Variants in PDGFD observed in about 807,000 individuals in gnomAD.
PDGFD encodes platelet derived growth factor D.
In PDGFD, 30 loss-of-function variants were observed where a neutral mutation model predicts 44.7. The observed-to-expected ratio is 0.67, with a 90% CI of 0.50 to 0.91. The LOEUF is 0.91. Ranked by LOEUF, PDGFD falls within the 40% of genes least tolerant of loss-of-function variation. PDGFD has a pLI of 0.00. For missense variants in PDGFD, 445 were observed against 457.8 expected (o/e 0.97, Z 0.25); for synonymous variants, 173 against 168.4 (o/e 1.03, Z -0.21).
chr11:104,077,836 ATTCTC>A (rs1860986810), intron 1 of PDGFD, among the ~76,000 whole-genome samples: 2 of 152,154 alleles, frequency 1.3e-5, no homozygotes, highest in Non-Finnish European at 2.9e-5. Context: ...CAAACTTCAG[ATTCTC>A]CAACAATAGT....
At chr11:104,144,605 A>G (rs1453786868) in intron 1 of PDGFD, among the ~76,000 whole-genome samples, 1 of 151,912 alleles carries the variant, frequency 6.6e-6, no homozygotes, top group Non-Finnish European at 1.5e-5. Context: ...CAGATTTATG[A>G]TACAACCAAT....
intron 1 of PDGFD, among the ~76,000 whole-genome samples, chr11:104,151,281 A>C (rs1862241566): frequency 6.6e-6 from 1 of 152,164 alleles, no homozygotes; most frequent in South Asian, 2.1e-4. Context: ...ATTTTCAATC[A>C]ATCAATATTT....
chr11:103,947,978 T>C (rs1018663405), intron 3 of PDGFD, among the ~76,000 whole-genome samples: 1 of 152,186 alleles, frequency 6.6e-6, no homozygotes, highest in Non-Finnish European at 1.5e-5. Flanking sequence ...AATTTTAACT[T>C]GGCCATCTAC....
At chr11:104,000,487 G>C (rs536465016) in intron 1 of PDGFD, among the ~76,000 whole-genome samples, 1 of 152,258 alleles carries the variant, frequency 6.6e-6, no homozygotes, top group Non-Finnish European at 1.5e-5. Flanking sequence ...GTGAATGAAT[G>C]AGTGAAAAAC....
At chr11:104,074,218 C>G (rs1422730377) in intron 1 of PDGFD, among the ~76,000 whole-genome samples, 1 of 152,204 alleles carries the variant, frequency 6.6e-6, no homozygotes, top group Non-Finnish European at 1.5e-5. Context: ...CTTGCCTGAG[C>G]CAGCTGAGAA....
intron 1 of PDGFD, among the ~76,000 whole-genome samples, chr11:104,021,034 T>C (rs1859942790): frequency 6.6e-6 from 1 of 152,150 alleles, no homozygotes; most frequent in African/African-American, 2.4e-5. Flanking sequence ...ATAAAAACAA[T>C]TTCAGCAAAC....
intron 1 of PDGFD, among the ~76,000 whole-genome samples, chr11:104,061,261 C>T (rs568469744): frequency 2.6e-4 from 40 of 151,216 alleles, no homozygotes; most frequent in Non-Finnish European, 5.4e-4. Context: ...CATTAAAATG[C>T]TAGTCAAAAA....
intron 3 of PDGFD, among the ~76,000 whole-genome samples, chr11:103,979,456 T>C (rs1859233343): frequency 6.6e-6 from 1 of 152,098 alleles, no homozygotes; most frequent in African/African-American, 2.4e-5. Flanking sequence ...TCACTGATCT[T>C]ACCACAATTG....
In PDGFD at chr11:103,913,957, CA is replaced by C. The variant is rs1410743273; in HGVS notation, c.988-4139del. On this transcript the variant is annotated intron_variant, in intron 6 of 6. Coordinates refer to ENST00000393158, the MANE Select transcript of PDGFD (RefSeq NM_025208.5). ...CCTGTATGGACCTTGGGGGACAGAA[CA>C]AAAGGGGGTGAATGCAGAAATAAAA... Among the ~76,000 whole-genome samples the C allele has an allele frequency of 3.9e-5, 6 of 152,122 alleles. No individual in the cohort carries two copies. The East Asian group carries it at 9.7e-4, about 24-fold the overall frequency.
chr11:104,001,373 T>G (rs925790746), intron 1 of PDGFD, among the ~76,000 whole-genome samples: 1 of 152,234 alleles, frequency 6.6e-6, no homozygotes, highest in Non-Finnish European at 1.5e-5. Flanking sequence ...CTGGTCCTAA[T>G]TTATATCCTT....
intron 1 of PDGFD, among the ~76,000 whole-genome samples, chr11:104,125,199 A>G (rs969670887): frequency 1.1e-4 from 16 of 152,272 alleles, no homozygotes; most frequent in African/African-American, 3.8e-4. Context: ...TCTCCTTCAC[A>G]GCATGGCTCA....
intron 1 of PDGFD, among the ~76,000 whole-genome samples, chr11:104,106,536 T>TC (rs1565336680): frequency 6.6e-6 from 1 of 152,056 alleles, no homozygotes; most frequent in African/African-American, 2.4e-5. Context: ...AGACAAAAAG[T>TC]CCACATTCAT....
chr11:104,088,243 C>T (rs530593702), intron 1 of PDGFD, among the ~76,000 whole-genome samples: 4 of 152,338 alleles, frequency 2.6e-5, no homozygotes, highest in South Asian at 2.1e-4. Context: ...AAAATGCACA[C>T]ATACACACAA....
intron 3 of PDGFD, among the ~76,000 whole-genome samples, chr11:103,954,212 A>G (rs893828093): frequency 2.6e-5 from 4 of 152,228 alleles, no homozygotes; most frequent in African/African-American, 9.6e-5. Context: ...GACAGTTGAT[A>G]TATTACAAGC....
chr11:104,081,471 A>G (rs1011774556), intron 1 of PDGFD, among the ~76,000 whole-genome samples: 6 of 152,162 alleles, frequency 3.9e-5, no homozygotes, highest in Admixed American at 6.5e-5. Context: ...ATAAGTCATC[A>G]AAAGCTATTT....
intron 4 of PDGFD, among the ~76,000 whole-genome samples, chr11:103,944,866 A>T (rs998041101): frequency 6.6e-6 from 1 of 152,194 alleles, no homozygotes; most frequent in Non-Finnish European, 1.5e-5. Flanking sequence ...GCAGTTTTCA[A>T]ATATTCCCTG....
At chr11:104,144,241 A>T (rs1862128332) in intron 1 of PDGFD, among the ~76,000 whole-genome samples, 2 of 152,182 alleles carry the variant, frequency 1.3e-5, no homozygotes, top group Admixed American at 1.3e-4. Context: ...AATTACAGCC[A>T]TTATATTTAC....
At chr11:103,983,506 T>C (rs146420973) in intron 3 of PDGFD, among the ~76,000 whole-genome samples, 2,545 of 151,088 alleles carry the variant, frequency 0.017, 129 homozygotes, top group African/African-American at 0.057. Context: ...GACATGGGCA[T>C]GGGCAAAGAT....
At chr11:104,158,361 T>C (rs1021276377) in intron 1 of PDGFD, among the ~76,000 whole-genome samples, 1 of 152,218 alleles carries the variant, frequency 6.6e-6, no homozygotes, top group Admixed American at 6.5e-5. Context: ...AGAATCCTGG[T>C]ACTCTCCAGA....
Sources: allele counts gnomAD v4.1 joint callset (sites outside exome capture counted in the v4.1 genomes callset), GRCh38; gene constraint gnomAD v4.1.1; transcripts MANE v1.5; gene names NCBI Gene and HGNC (gene_info 2026-07-23, HGNC 2026-07-21).